SAMSN1: variants seen among roughly 807,000 people sequenced by gnomAD.
SAMSN1 encodes SAM domain-containing protein SAMSN-1.
SAMSN1 carries 31 observed loss-of-function variants against 42.0 expected under a neutral mutation model. That is an observed-to-expected ratio of 0.74 (90% CI 0.55 to 1.00). SAMSN1 has a LOEUF of 1.00. Among genes scored for constraint, SAMSN1 ranks in the 50% least tolerant of loss-of-function variants. The pLI, the probability that SAMSN1 is intolerant of heterozygous loss-of-function variation, is 0.00. For missense variants in SAMSN1, 464 were observed against 439.4 expected (o/e 1.06, Z -0.50); for synonymous variants, 178 against 151.9 (o/e 1.17, Z -1.26).
chr21:14,523,896 G>T (rs956366051), intron 1 of SAMSN1, among the ~76,000 whole-genome samples: 1 of 152,014 alleles, frequency 6.6e-6, no homozygotes, highest in Non-Finnish European at 1.5e-5. Flanking sequence ...TAGGAGTCGT[G>T]GTTTAAGAAG....
intron 1 of SAMSN1, among the ~76,000 whole-genome samples, chr21:14,647,917 T>G (rs1983750259): frequency 6.6e-6 from 1 of 151,754 alleles, no homozygotes. Flanking sequence ...AGATATACAA[T>G]CATGTCGTCT....
chr21:14,588,044 A>G (rs1207020246), upstream of SAMSN1, among the ~76,000 whole-genome samples: 2 of 135,738 alleles, frequency 1.5e-5, no homozygotes, highest in African/African-American at 2.7e-5. Context: ...ATGATTTCCA[A>G]TTTCATCCAT....
intron 7 of SAMSN1, among the ~76,000 whole-genome samples, chr21:14,492,807 G>A (rs117180479): frequency 2.1e-4 from 32 of 152,276 alleles, no homozygotes; most frequent in Non-Finnish European, 3.2e-4. Flanking sequence ...TTGCATGAGG[G>A]CAAACAACTA....
upstream of SAMSN1, among the ~76,000 whole-genome samples, chr21:14,549,027 A>T (rs572230340): frequency 1.3e-5 from 2 of 152,324 alleles, no homozygotes; most frequent in Middle Eastern, 3.4e-3. Context: ...AACTTTGTGT[A>T]CTATCTCTGT....
chr21:14,546,123 T>G, intron 1 of SAMSN1, 82 bp downstream of exon 1: 1 of 1,194,108 alleles, frequency 8.4e-7, no homozygotes, highest in Non-Finnish European at 1.2e-6. Flanking sequence ...GATGAGAACA[T>G]TGTATGTGTT....
intron 2 of SAMSN1, among the ~76,000 whole-genome samples, chr21:14,624,934 C>T (rs1441548345): frequency 6.6e-6 from 1 of 152,160 alleles, no homozygotes; most frequent in African/African-American, 2.4e-5. Context: ...CCACCATGAT[C>T]AAGTGGGCTT....
At position 14,546,216 on chromosome 21, in the gene SAMSN1, G is replaced by T; in HGVS notation, c.46C>A (p.Gln16Lys). The T allele has an allele frequency of 6.2e-7, 1 of 1,612,850 alleles. No homozygotes were observed. Among genetic ancestry groups the T allele is most frequent in the Non-Finnish European group, 8.5e-7 (1 of 1,179,308 alleles). ...PSNVSEKEKH[Q>K]KPKRSSSFGN... ...TGAAATCACCTTACCTTTGGTTTTT[G>T]ATGTTTCTCCTTCTCTGAAACATTG... Residue 16 changes from glutamine (Q) to lysine (K), a missense_variant, in exon 1 of 8, where the codon CAA becomes AAA. Gln to Lys is a moderately conservative substitution (Grantham distance 53). Transcript: ENST00000400566.
chr21:14,604,757 T>C (rs746964540), intron 5 of SAMSN1, among the ~76,000 whole-genome samples: 13 of 152,220 alleles, frequency 8.5e-5, no homozygotes, highest in Non-Finnish European at 1.9e-4. Flanking sequence ...GCTGCCCGGC[T>C]GAGCCGGGCC....
intron 7 of SAMSN1, among the ~76,000 whole-genome samples, chr21:14,488,684 G>A (rs76346697): frequency 0.013 from 2,036 of 152,122 alleles, 48 homozygotes; most frequent in African/African-American, 0.047. Context: ...TTTAAACACA[G>A]GTCATTTATT....
chr21:14,540,050 C>T (rs1020815434), intron 1 of SAMSN1, among the ~76,000 whole-genome samples: 3 of 152,120 alleles, frequency 2.0e-5, no homozygotes, highest in African/African-American at 7.2e-5. Context: ...GAAAGGATTC[C>T]CTATTTAATA....
chr21:14,506,250 CA>C (rs1006941625), intron 5 of SAMSN1, among the ~76,000 whole-genome samples: 6 of 151,230 alleles, frequency 4.0e-5, no homozygotes, highest in African/African-American at 1.5e-4. Flanking sequence ...AAAATTGAAA[CA>C]AAAAAATATG....
intron 2 of SAMSN1, among the ~76,000 whole-genome samples, chr21:14,578,216 G>A (rs1981570851): frequency 6.6e-6 from 1 of 152,136 alleles, no homozygotes; most frequent in Admixed American, 6.5e-5. Context: ...AAGAGAGTGA[G>A]TAGGACTGAA....
chr21:14,551,266 C>T (rs1040946956), upstream of SAMSN1, among the ~76,000 whole-genome samples: 1 of 152,054 alleles, frequency 6.6e-6, no homozygotes, highest in Non-Finnish European at 1.5e-5. Context: ...ATCTTGTTAT[C>T]TCAGTTATAG....
intron 3 of SAMSN1, among the ~76,000 whole-genome samples, chr21:14,615,106 C>T (rs1198414178): frequency 6.6e-6 from 1 of 152,104 alleles, no homozygotes; most frequent in Non-Finnish European, 1.5e-5. Context: ...ACATACATGG[C>T]GATAAGGCTG....
At chr21:14,487,764 C>G (rs1986499615) in intron 7 of SAMSN1, among the ~76,000 whole-genome samples, 1 of 151,988 alleles carries the variant, frequency 6.6e-6, no homozygotes. Context: ...TCACATTTGC[C>G]CCACAATTTT....
At chr21:14,580,465 T>C (rs1322728921) in intron 2 of SAMSN1, among the ~76,000 whole-genome samples, 1 of 152,126 alleles carries the variant, frequency 6.6e-6, no homozygotes, top group African/African-American at 2.4e-5. Context: ...TCTGAAGATA[T>C]CAGAGGGAGT....
intron 1 of SAMSN1, among the ~76,000 whole-genome samples, chr21:14,656,221 T>C (rs1983913794): frequency 6.6e-6 from 1 of 151,786 alleles, no homozygotes; most frequent in Non-Finnish European, 1.5e-5. Flanking sequence ...CCTAAGTTTA[T>C]ATAGAAAAAA....
chr21:14,654,521 C>T (rs57816415), intron 1 of SAMSN1, among the ~76,000 whole-genome samples: 13,982 of 152,004 alleles, frequency 0.092, 750 homozygotes, highest in Admixed American at 0.19. Flanking sequence ...ATGTCCTCTA[C>T]ATGAGGCAAA....
intron 2 of SAMSN1, among the ~76,000 whole-genome samples, chr21:14,616,323 C>A (rs1290525924): frequency 1.3e-5 from 2 of 151,386 alleles, no homozygotes; most frequent in African/African-American, 2.4e-5. Context: ...TAAAAAAAAA[C>A]AACAGGTCTT....
Sources: gnomAD v4.1 joint callset for allele counts (sites outside exome capture counted in the v4.1 genomes callset) on GRCh38, gnomAD v4.1.1 for gene constraint, MANE v1.5 for transcripts, NCBI Gene and HGNC (gene_info 2026-07-23, HGNC 2026-07-21) for gene names.